Variants in PIGG observed in about 807,000 individuals in gnomAD.
PIGG encodes the protein phosphatidylinositol glycan anchor biosynthesis class G (EMM blood group), also known as GPI ethanolamine phosphate transferase 2, catalytic subunit.
Under a neutral mutation model 83.2 loss-of-function variants are expected in PIGG, and 70 were observed. The ratio of observed to expected loss-of-function variants is 0.84; its 90% CI spans 0.69 to 1.03. The LOEUF (loss-of-function observed/expected upper bound fraction) is 1.03, where lower values mean the gene tolerates loss of function less well. PIGG is among the 50% of genes least tolerant of loss of function. The pLI is 0.00. For missense variants in PIGG, 1,257 were observed against 1,233.6 expected (o/e 1.02, Z -0.28); for synonymous variants, 532 against 519.5 (o/e 1.02, Z -0.33).
At position 533,767 on chromosome 4, in the gene PIGG, G is replaced by A. The variant is rs377119805; in HGVS notation, c.2572-51G>A. 325 of 1,565,126 alleles carry A rather than the reference G, an allele frequency of 2.1e-4. 1 individual carries two copies. The African/African-American group carries it at 3.4e-3, about 17-fold the overall frequency. ...CGTGGCTCACGCTAACATCGTGGCT[G>A]TTGATGCCACGTGTTGTGAGGCCTT... is the stretch of plus-strand genomic sequence containing the variant. On this transcript the variant is annotated intron_variant, in intron 11 of 12. Transcript: ENST00000453061.
At chr4:530,078 T>C (rs79687651) in intron 10 of PIGG, among the ~76,000 whole-genome samples, 1 of 152,344 alleles carries the variant, frequency 6.6e-6, no homozygotes, top group East Asian at 1.9e-4. Flanking sequence ...CTTATACTAG[T>C]GCGTTGGGTT....
At chr4:516,251 G>A (rs1381643997) in intron 6 of PIGG, 66 bp downstream of exon 6, 34 of 1,069,150 alleles carry the variant, frequency 3.2e-5, no homozygotes, top group East Asian at 2.1e-4. Flanking sequence ...GGGTTTCTCC[G>A]ATGTGTTTCT....
At position 528,999 on chromosome 4, in the gene PIGG, C is replaced by G. The variant is rs924924989; in HGVS notation, c.2262-1437C>G. Reference sequence around the variant, plus strand: ...CTGTCAGTCCCCCGGGCCCTGCCATCCACTGAGAGTCTGAAATCCTTTGCA... The same window carrying G: ...CTGTCAGTCCCCCGGGCCCTGCCATGCACTGAGAGTCTGAAATCCTTTGCA... On this transcript the variant is annotated intron_variant, in intron 10 of 12. Coordinates refer to ENST00000453061, the MANE Select transcript of PIGG (RefSeq NM_001127178.3). The surrounding 1 kb of genome is among the most constrained non-coding windows in gnomAD (Gnocchi z 4.8). Among the ~76,000 whole-genome samples, 3 of 152,190 alleles carry G rather than the reference C, an allele frequency of 2.0e-5. No homozygotes were observed. Among genetic ancestry groups the G allele is most frequent in the Non-Finnish European group, 4.4e-5 (3 of 68,022 alleles).
intron 10 of PIGG, among the ~76,000 whole-genome samples, chr4:529,454 T>C (rs1037914013): frequency 6.6e-6 from 1 of 152,230 alleles, no homozygotes; most frequent in African/African-American, 2.4e-5. Flanking sequence ...GATCAAAGTT[T>C]ACTTTCTTAA....
Position 523,801 on chromosome 4 carries a change from A to G in PIGG, c.1957A>G (p.Met653Val). Residue 653 changes from methionine (M) to valine (V), a missense_variant, in exon 9 of 13, where the codon ATG (methionine) becomes GTG (valine). By Grantham distance (21) the Met-to-Val change is conservative. Transcript: ENST00000453061. The stretch of plus-strand genomic sequence containing the variant: ...AGTGCTCAGAGGCCGCGAGAAGTGG[A>G]TGGTGCTGGCCAGTCCGTGGCTAAT... ...SEVLRGREKWMVLASPWLILA... is the reference protein window; with the variant it reads ...SEVLRGREKWVVLASPWLILA... 6.2e-7 allele frequency: 1 copy of G among 1,613,586 alleles called. No individual in the cohort carries two copies. The highest frequency in any genetic ancestry group is 8.5e-7 in the Non-Finnish European group (1 of 1,179,990).
chr4:516,079 C>T lies in PIGG; in HGVS notation c.1008C>T (p.Phe336=), dbSNP rs920898761. 1 of 1,613,604 alleles carries T rather than the reference C, an allele frequency of 6.2e-7. No individual in the cohort carries two copies. The highest frequency in any genetic ancestry group is 1.3e-5 in the African/African-American group (1 of 74,978). ...IPKDSVGSLL[F]PVVEGRPMRE... Reference sequence around the variant, plus strand: ...AAGACAGTGTAGGGAGCCTCCTATTCCCAGTTGTGGAAGGAAGACCAATGA... The same window carrying T: ...AAGACAGTGTAGGGAGCCTCCTATTTCCAGTTGTGGAAGGAAGACCAATGA... The change falls in exon 6 of 13, where the codon TTC becomes TTT. Residue 336 remains phenylalanine (F), a synonymous_variant. Coordinates refer to ENST00000453061, the MANE Select transcript of PIGG (RefSeq NM_001127178.3).
intron 6 of PIGG, among the ~76,000 whole-genome samples, chr4:517,614 G>A (rs571363587): frequency 7.2e-5 from 11 of 152,136 alleles, no homozygotes; most frequent in African/African-American, 2.4e-4. Flanking sequence ...CTGAGCTTTG[G>A]ATCTGGCCAT....
At chr4:529,968 C>G (rs1728614334) in intron 10 of PIGG, among the ~76,000 whole-genome samples, 1 of 152,224 alleles carries the variant, frequency 6.6e-6, no homozygotes, top group South Asian at 2.1e-4. Context: ...TTACCTATAA[C>G]TGCATGTATG....
intron 4 of PIGG, among the ~76,000 whole-genome samples, chr4:508,390 CA>C (rs1720609740): frequency 6.6e-6 from 1 of 152,256 alleles, no homozygotes; most frequent in Non-Finnish European, 1.5e-5. Context: ...GCTGCAACCC[CA>C]GGGGCAGAGA....
At position 523,555 on chromosome 4, in the gene PIGG, G is replaced by A. The variant is rs770091281; in HGVS notation, c.1711G>A (p.Val571Met). Residue 571 changes from valine to methionine, a missense_variant, in exon 9 of 13, where the codon GTG becomes ATG. Transcript: ENST00000453061. The stretch of plus-strand genomic sequence containing the variant: ...CTTGAGCCTGGGCGCCAGCAGCTTC[G>A]TGGAGGAGGAGCACCAGACCTGGTA... ...HVLSLGASSF[V>M]EEEHQTWYFL... The A allele has an allele frequency of 3.3e-5, 53 of 1,614,050 alleles. No homozygotes were observed. The highest frequency in any genetic ancestry group is 1.1e-4 in the South Asian group (10 of 91,092).
chr4:524,021 A>G, intron 9 of PIGG, 108 bp downstream of exon 9: 1 of 693,406 alleles, frequency 1.4e-6, no homozygotes, highest in Non-Finnish European at 2.4e-6. Flanking sequence ...TAAGAATGGG[A>G]TAGTATTTGA....
chr4:523,798 T>C lies in PIGG; in HGVS notation c.1954T>C (p.Trp652Arg), dbSNP rs1385386286. 5.6e-6 allele frequency: 9 copies of C among 1,613,384 alleles called. No individual in the cohort carries two copies. The Admixed American group carries it at 1.2e-4, about 21-fold the overall frequency. ...CGAAGTGCTCAGAGGCCGCGAGAAG[T>C]GGATGGTGCTGGCCAGTCCGTGGCT... ...TSEVLRGREK[W>R]MVLASPWLIL... Residue 652 changes from tryptophan to arginine, a missense_variant, in exon 9 of 13, where the codon TGG becomes CGG. Physicochemically the swap from Trp to Arg is moderately radical, Grantham distance 101 (BLOSUM62 -3). Coordinates refer to ENST00000453061, the MANE Select transcript of PIGG (RefSeq NM_001127178.3).
At chr4:521,532 C>A (rs1302000816) in intron 7 of PIGG, 128 bp from the exon 8 acceptor site, 1 of 921,644 alleles carries the variant, frequency 1.1e-6, no homozygotes, top group Non-Finnish European at 1.6e-6. Flanking sequence ...TAGGAATCAT[C>A]TTTTCCTGAG....
chr4:500,347 T>C, intron 1 of PIGG, 49 bp from the exon 2 acceptor site: 1 of 1,348,346 alleles, frequency 7.4e-7, no homozygotes, highest in Non-Finnish European at 1.1e-6. Context: ...TGCTTGATGC[T>C]AAGGAAAGTT....
chr4:530,474 T>G lies in PIGG; in HGVS notation c.2300T>G (p.Leu767Arg). Reference sequence around the variant, plus strand: ...GCTCGTTTTGTTTATGTCTTTGTCCTTGGCATTCTGTTCACGGGCACCAAA... The same window carrying G: ...GCTCGTTTTGTTTATGTCTTTGTCCGTGGCATTCTGTTCACGGGCACCAAA... ...IEARFVYVFV[L>R]GILFTGTKDL... The change falls in exon 11 of 13, where the codon CTT becomes CGT. Residue 767 changes from leucine (L) to arginine (R), a missense_variant. Leu to Arg is a moderately radical substitution (Grantham distance 102). Transcript: ENST00000453061. 1 of 1,613,978 alleles carries G rather than the reference T, an allele frequency of 6.2e-7. No homozygotes were observed. The highest frequency in any genetic ancestry group is 2.2e-5 in the East Asian group (1 of 44,890).
intron 10 of PIGG, chr4:527,620 G>T: frequency 1.0e-6 from 1 of 1,000,282 alleles, no homozygotes; most frequent in Non-Finnish European, 1.2e-6. Context: ...GGTGTAATTG[G>T]TGATGAGGAT....
intron 4 of PIGG, 63 bp downstream of exon 4, chr4:507,656 A>G: frequency 1.4e-6 from 2 of 1,380,302 alleles, no homozygotes; most frequent in Non-Finnish European, 2.0e-6. Context: ...CCTAGAATAA[A>G]TGCAACCGCC....
chr4:527,342 C>T (rs988402582), intron 10 of PIGG, 112 bp downstream of exon 10: 3 of 1,428,710 alleles, frequency 2.1e-6, no homozygotes, highest in African/African-American at 1.4e-5. Flanking sequence ...AAGACCAAGC[C>T]AGTCTTCAGA....
chr4:533,635 A>G (rs1464319440), intron 11 of PIGG, 183 bp from the exon 12 acceptor site: 3 of 614,104 alleles, frequency 4.9e-6, no homozygotes, highest in Non-Finnish European at 8.7e-6. Context: ...CCACCTAGGC[A>G]AGGCCAGCTC....
Sources: allele counts gnomAD v4.1 joint callset (sites outside exome capture counted in the v4.1 genomes callset), GRCh38; gene constraint gnomAD v4.1.1; non-coding constraint Gnocchi (gnomAD v3.1); transcripts MANE v1.5; gene names NCBI Gene and HGNC (gene_info 2026-07-23, HGNC 2026-07-21).